The following FGF14 variants were observed in gnomAD, a reference collection of about 807,000 sequenced individuals.
FGF14 encodes fibroblast growth factor 14, also known as fibroblast growth factor homologous factor 4.
A neutral mutation model predicts 25.5 loss-of-function variants in FGF14; 5 were observed. The ratio of observed to expected loss-of-function variants is 0.20; its 90% CI spans 0.10 to 0.41. The LOEUF (loss-of-function observed/expected upper bound fraction) is 0.41. Ranked by LOEUF, FGF14 falls within the 10% of genes least tolerant of loss-of-function variation. The probability of loss-of-function intolerance (pLI) is 1.00; values close to 1 mark genes in which losing one functional copy is unlikely to be tolerated. For synonymous variants in FGF14, 138 were observed against 118.3 expected, an observed-to-expected ratio of 1.17 and a Z score of -1.08; for missense variants, 222 against 320.1, an observed-to-expected ratio of 0.69 and a Z score of 2.34.
At chr13:101,788,927 G>GAC (rs2040055554) in intron 3 of FGF14, among the ~76,000 whole-genome samples, 2 of 42,138 alleles carry the variant, frequency 4.7e-5, no homozygotes, top group Non-Finnish European at 1.2e-4. Flanking sequence ...GAGAGAGAGA[G>GAC]AGAGAGAGAG....
At chr13:101,945,122 C>T (rs2035719031) in intron 1 of FGF14, among the ~76,000 whole-genome samples, 1 of 152,088 alleles carries the variant, frequency 6.6e-6, no homozygotes, top group Non-Finnish European at 1.5e-5. Flanking sequence ...TGTTCGAGAC[C>T]AGCGTGACCA....
At chr13:102,181,692 A>T (rs1287617360) in intron 1 of FGF14, among the ~76,000 whole-genome samples, 4 of 152,126 alleles carry the variant, frequency 2.6e-5, no homozygotes, top group Non-Finnish European at 5.9e-5. Flanking sequence ...TATTATACAG[A>T]TTCTAAATTA....
intron 1 of FGF14, among the ~76,000 whole-genome samples, chr13:102,191,071 T>C (rs1033371098): frequency 1.3e-5 from 2 of 152,216 alleles, no homozygotes; most frequent in African/African-American, 4.8e-5. Flanking sequence ...TTATTTGATC[T>C]GGCTGGTAGT....
At chr13:101,966,881 C>T (rs930207670) in intron 1 of FGF14, among the ~76,000 whole-genome samples, 2 of 152,046 alleles carry the variant, frequency 1.3e-5, no homozygotes, top group East Asian at 1.9e-4. Flanking sequence ...TATTGTTTGG[C>T]GAACTGTAGC....
In FGF14 at chr13:102,140,054, C is replaced by T. The variant is rs112507830; in HGVS notation, c.208+261417G>A. Among the ~76,000 whole-genome samples the T allele has an allele frequency of 3.5e-4, 51 of 145,886 alleles. 1 individual carries two copies. The highest frequency in any genetic ancestry group is 3.6e-3 in the Middle Eastern group (1 of 280). ...TCAAACTCTTCAAGACCCCCCCCCC[C>T]CCTTACAGCAGTAAGTCATCCGTGT... On this transcript the variant is annotated intron_variant, in intron 1 of 4. Coordinates refer to the FGF14 transcript ENST00000376131.
chr13:102,078,008 A>C (rs932593306), intron 1 of FGF14, among the ~76,000 whole-genome samples: 15 of 152,182 alleles, frequency 9.9e-5, no homozygotes, highest in African/African-American at 3.6e-4. Context: ...CCTGGAAGAC[A>C]TTTATAGTAA....
chr13:101,857,819 C>T (rs1049596811), intron 3 of FGF14, among the ~76,000 whole-genome samples: 1 of 151,876 alleles, frequency 6.6e-6, no homozygotes, highest in Non-Finnish European at 1.5e-5. Flanking sequence ...AATAAATACA[C>T]ACTATTGTTT....
chr13:102,023,043 G>GACACACACACACACACAC (rs59221538), intron 1 of FGF14, among the ~76,000 whole-genome samples: 1 of 146,192 alleles, frequency 6.8e-6, no homozygotes, highest in Non-Finnish European at 1.5e-5. Flanking sequence ...AATATTTTCG[G>GACACACACACACACACAC]ACACACACAC....
At chr13:101,887,499 G>A (rs1170230837) in intron 1 of FGF14, among the ~76,000 whole-genome samples, 1 of 152,060 alleles carries the variant, frequency 6.6e-6, no homozygotes, top group Non-Finnish European at 1.5e-5. Context: ...ATAAGGCACA[G>A]AAAGACAGAT....
intron 1 of FGF14, among the ~76,000 whole-genome samples, chr13:102,266,974 GAAAC>G (rs1254489971): frequency 6.6e-6 from 1 of 151,832 alleles, no homozygotes; most frequent in Non-Finnish European, 1.5e-5. Flanking sequence ...CAAAAACAAA[GAAAC>G]AGACAAAATT....
At position 102,337,066 on chromosome 13, in the gene FGF14, G is replaced by A. The variant is rs144274947; in HGVS notation, c.208+64405C>T. Among the ~76,000 whole-genome samples the A allele has an allele frequency of 4.9e-4, 75 of 152,232 alleles. No homozygotes were observed. In the East Asian group the frequency reaches 0.012, roughly 23 times the overall value. ...TGCATTCTGCAGCCCATCAGTCAGG[G>A]AATCATTTCAAATTTGAAGTCTTAT... is the stretch of plus-strand genomic sequence containing the variant. On this transcript the variant is annotated intron_variant, in intron 1 of 4. Coordinates refer to the FGF14 transcript ENST00000376131.
chr13:102,303,775 G>A (rs1357858258), intron 1 of FGF14, among the ~76,000 whole-genome samples: 1 of 152,072 alleles, frequency 6.6e-6, no homozygotes, highest in African/African-American at 2.4e-5. Flanking sequence ...TCACTGCCAC[G>A]AACCTAGATA....
intron 1 of FGF14, among the ~76,000 whole-genome samples, chr13:102,201,056 G>C (rs1327138287): frequency 7.4e-6 from 1 of 134,300 alleles, no homozygotes; most frequent in Non-Finnish European, 1.5e-5. Flanking sequence ...AGCTGAGATC[G>C]CGCCACTGCA....
intron 1 of FGF14, among the ~76,000 whole-genome samples, chr13:102,119,949 T>C (rs945079579): frequency 6.6e-6 from 1 of 152,162 alleles, no homozygotes; most frequent in African/African-American, 2.4e-5. Context: ...GTGATACTGA[T>C]CTACAGCCAG....
chr13:101,993,051 GAGAA>G (rs1391573883), intron 1 of FGF14, among the ~76,000 whole-genome samples: 3 of 151,780 alleles, frequency 2.0e-5, no homozygotes, highest in African/African-American at 7.2e-5. Flanking sequence ...GAAAAACAAA[GAGAA>G]AGAGAAAATC....
intron 1 of FGF14, among the ~76,000 whole-genome samples, chr13:102,200,514 G>A (rs552200394): frequency 1.3e-5 from 2 of 152,086 alleles, no homozygotes; most frequent in South Asian, 4.2e-4. Flanking sequence ...GACCTCTAGG[G>A]AGAAATCATG....
At chr13:101,802,437 G>T in intron 3 of FGF14, 1 of 201,706 alleles carries the variant, frequency 5.0e-6, no homozygotes. Context: ...GGAAGGGGAG[G>T]AGGAGGATGA....
At chr13:101,909,027 T>A (rs2032589354) in intron 1 of FGF14, among the ~76,000 whole-genome samples, 1 of 152,190 alleles carries the variant, frequency 6.6e-6, no homozygotes, top group Admixed American at 6.5e-5. Context: ...CTGGGAAAAC[T>A]GGCTAGCCAT....
chr13:101,996,263 T>C (rs956238598), intron 1 of FGF14, among the ~76,000 whole-genome samples: 9 of 152,194 alleles, frequency 5.9e-5, no homozygotes, highest in Non-Finnish European at 1.3e-4. Flanking sequence ...GGAAAGTAGT[T>C]TGAGGCAGAT....
Sources: gnomAD v4.1 joint callset for allele counts (sites outside exome capture counted in the v4.1 genomes callset) on GRCh38, gnomAD v4.1.1 for gene constraint, MANE v1.5 for transcripts, NCBI Gene and HGNC (gene_info 2026-07-23, HGNC 2026-07-21) for gene names.